SAMD4A: variants seen among roughly 807,000 people sequenced by gnomAD.
SAMD4A encodes the protein sterile alpha motif domain containing 4A.
In SAMD4A, 33 loss-of-function variants were observed where a neutral mutation model predicts 81.3. The ratio of observed to expected loss-of-function variants is 0.41; its 90% CI spans 0.31 to 0.54. The LOEUF (loss-of-function observed/expected upper bound fraction) is 0.54, where lower values mean the gene tolerates loss of function less well. Ranked by LOEUF, SAMD4A falls within the 20% of genes least tolerant of loss-of-function variation. The probability of loss-of-function intolerance (pLI) is 0.37; values close to 1 mark genes in which losing one functional copy is unlikely to be tolerated. For missense variants in SAMD4A, 854 were observed against 951.1 expected (o/e 0.90, Z 1.34); for synonymous variants, 389 against 382.1 (o/e 1.02, Z -0.21).
intron 2 of SAMD4A, among the ~76,000 whole-genome samples, chr14:54,596,226 C>T (rs921811162): frequency 3.3e-5 from 5 of 152,116 alleles, no homozygotes; most frequent in Admixed American, 3.3e-4. Context: ...GAAATCAACA[C>T]GAGTTGGCAA....
At chr14:54,678,861 A>G (rs547325010) in intron 2 of SAMD4A, among the ~76,000 whole-genome samples, 4 of 152,158 alleles carry the variant, frequency 2.6e-5, no homozygotes, top group Non-Finnish European at 5.9e-5. Flanking sequence ...TCTTTAGGGA[A>G]AGCATGGATA....
Position 54,727,166 on chromosome 14 carries a change from C to CTTTTTT in SAMD4A, c.716-9822_716-9817dup, listed in dbSNP as rs567831973. 7.1e-3 allele frequency among the ~76,000 whole-genome samples: 418 copies of CTTTTTT among 59,188 alleles called. 59 individuals carry two copies. Among genetic ancestry groups the CTTTTTT allele is most frequent in the Non-Finnish European group, 0.011 (327 of 29,780 alleles). The allele number at this position is 59,188 out of a possible 152,430, so 38.8% of individuals were successfully genotyped here. ...TTATCACAACAGCCTTCTTTTTTTC[C>CTTTTTT]TTTTTTTTTTTTTTTTTTTTTTTTT... On this transcript the variant is annotated intron_variant, in intron 3 of 12. Coordinates refer to ENST00000554335, the MANE Select transcript of SAMD4A (RefSeq NM_015589.6).
intron 2 of SAMD4A, among the ~76,000 whole-genome samples, chr14:54,613,086 C>T (rs1375745237): frequency 2.0e-5 from 3 of 151,400 alleles, no homozygotes; most frequent in Non-Finnish European, 2.9e-5. Context: ...CACTGCACTC[C>T]AGCCTGGTGA....
At chr14:54,695,638 G>T (rs1041716586) in intron 2 of SAMD4A, among the ~76,000 whole-genome samples, 1 of 152,162 alleles carries the variant, frequency 6.6e-6, no homozygotes, top group African/African-American at 2.4e-5. Context: ...CTGGAAGCCC[G>T]CAATCACCTT....
chr14:54,685,596 C>T, intron 2 of SAMD4A: 58 of 422,170 alleles, frequency 1.4e-4, no homozygotes, highest in Admixed American at 7.9e-4. Context: ...GATTTTTTTT[C>T]TTTGTGGTTT....
At chr14:54,654,920 G>A (rs2035485553) in intron 2 of SAMD4A, among the ~76,000 whole-genome samples, 2 of 152,234 alleles carry the variant, frequency 1.3e-5, no homozygotes, top group South Asian at 4.1e-4. Context: ...TCAGTGCTCA[G>A]GAAATTGAGT....
intron 2 of SAMD4A, among the ~76,000 whole-genome samples, chr14:54,632,234 A>G (rs977095134): frequency 6.6e-6 from 1 of 152,214 alleles, no homozygotes; most frequent in Non-Finnish European, 1.5e-5. Flanking sequence ...AAAAATGCAA[A>G]CGATTATACG....
At chr14:54,774,854 G>T in intron 9 of SAMD4A, 80 bp from the exon 10 acceptor site, 2 of 1,235,070 alleles carry the variant, frequency 1.6e-6, no homozygotes, top group Non-Finnish European at 1.2e-6. Context: ...CCTCCAAGGC[G>T]ACATCCCTTG....
At chr14:54,666,792 T>G (rs886576089) in intron 2 of SAMD4A, among the ~76,000 whole-genome samples, 4 of 152,120 alleles carry the variant, frequency 2.6e-5, no homozygotes, top group African/African-American at 9.7e-5. Flanking sequence ...TTGATTACCA[T>G]AAGCCTATAG....
intron 3 of SAMD4A, among the ~76,000 whole-genome samples, chr14:54,731,582 G>A (rs1594870754): frequency 6.6e-6 from 1 of 152,138 alleles, no homozygotes; most frequent in Admixed American, 6.6e-5. Flanking sequence ...TTTTTATAAG[G>A]TTTAGTTGTG....
Position 54,606,122 on chromosome 14 carries a change from A to C in SAMD4A, c.196+38010A>C, listed in dbSNP as rs146795829. 7.7e-4 allele frequency among the ~76,000 whole-genome samples: 117 copies of C among 152,236 alleles called. 1 individual carries two copies. In the South Asian group the frequency reaches 0.014, roughly 18 times the overall value. Reference sequence around the variant, plus strand: ...TGTGCAGCCCCGCCTTTTAGAAAATATGAAGCATGTCATTTCTGTTACAAG... The same window carrying C: ...TGTGCAGCCCCGCCTTTTAGAAAATCTGAAGCATGTCATTTCTGTTACAAG... On this transcript the variant is annotated intron_variant, in intron 2 of 12. Coordinates refer to ENST00000554335, the MANE Select transcript of SAMD4A (RefSeq NM_015589.6).
At chr14:54,608,458 A>G (rs185130872) in intron 2 of SAMD4A, among the ~76,000 whole-genome samples, 2 of 152,326 alleles carry the variant, frequency 1.3e-5, no homozygotes, top group African/African-American at 4.8e-5. Flanking sequence ...ATGCTCTCAC[A>G]TATGTATTGA....
rs2039286072 is a variant in SAMD4A, at chr14:54,793,066, T to C, written c.*4122T>C. On this transcript the variant is annotated 3_prime_UTR_variant, in exon 13 of 13. Transcript: ENST00000554335. Reference sequence around the variant, plus strand: ...GCATATTTTTTAAATTTGTCATATATGGAAAGAGCATGTTTGTTACATGTA... The same window carrying C: ...GCATATTTTTTAAATTTGTCATATACGGAAAGAGCATGTTTGTTACATGTA... 6.6e-6 allele frequency: 1 copy of C among 152,228 alleles called. No individual in the cohort carries two copies. The highest frequency in any genetic ancestry group is 2.4e-5 in the African/African-American group (1 of 41,454). 9.4% of individuals were successfully genotyped at this position (152,228 alleles called of 1,614,324 possible). A position where few individuals can be genotyped will look rare whatever the true frequency, so the allele number is the denominator to read the frequency against.
chr14:54,671,943 G>A lies in SAMD4A; in HGVS notation c.197-30119G>A, dbSNP rs529929886. On this transcript the variant is annotated intron_variant, in intron 2 of 12. Coordinates refer to ENST00000554335, the MANE Select transcript of SAMD4A (RefSeq NM_015589.6). ...GGGGCAGGAATGGAGAGTAGTGTTA[G>A]GGGGAGATTGGGAGATGGGGAGAAG... Among the ~76,000 whole-genome samples the A allele has an allele frequency of 1.4e-3, 209 of 151,958 alleles. 7 individuals are homozygous for A. The South Asian group carries it at 0.041, about 30-fold the overall frequency.
chr14:54,781,239 G>A (rs1480709910), intron 11 of SAMD4A, among the ~76,000 whole-genome samples: 4 of 152,230 alleles, frequency 2.6e-5, no homozygotes, highest in Admixed American at 6.5e-5. Flanking sequence ...TACCCTCAGT[G>A]CCTTGGAGAA....
intron 2 of SAMD4A, among the ~76,000 whole-genome samples, chr14:54,669,189 A>G (rs562841422): frequency 6.6e-6 from 1 of 152,280 alleles, no homozygotes; most frequent in African/African-American, 2.4e-5. Context: ...TTTCTCCCTT[A>G]CATCCTACTC....
intron 10 of SAMD4A, 51 bp from the exon 11 acceptor site, chr14:54,776,363 C>G (rs1951436): frequency 2.6e-6 from 4 of 1,547,704 alleles, no homozygotes; most frequent in Admixed American, 2.1e-5. Flanking sequence ...GCTCTGCTCT[C>G]CACCCCAGTG....
intron 4 of SAMD4A, among the ~76,000 whole-genome samples, chr14:54,739,058 T>TTTTTTC (rs2037779561): frequency 7.0e-6 from 1 of 143,022 alleles, no homozygotes; most frequent in African/African-American, 2.6e-5. Flanking sequence ...TCCTTTTCTT[T>TTTTTTC]TTTTTTTTTT....
At chr14:54,589,638 C>A (rs1187596) in intron 2 of SAMD4A, among the ~76,000 whole-genome samples, 6 of 152,030 alleles carry the variant, frequency 3.9e-5, no homozygotes, top group African/African-American at 1.4e-4. Context: ...TGTGCCTATT[C>A]GGAACATGTT....
Sources: allele counts gnomAD v4.1 joint callset (sites outside exome capture counted in the v4.1 genomes callset), GRCh38; gene constraint gnomAD v4.1.1; transcripts MANE v1.5; gene names NCBI Gene and HGNC (gene_info 2026-07-23, HGNC 2026-07-21).